The following MIPEP variants were observed in gnomAD, a reference collection of about 807,000 sequenced individuals.
The protein encoded by MIPEP is mitochondrial intermediate peptidase.
A neutral mutation model predicts 90.3 loss-of-function variants in MIPEP; 79 were observed. The ratio of observed to expected loss-of-function variants is 0.87; its 90% confidence interval spans 0.73 to 1.05. MIPEP has a LOEUF of 1.05. Ranked by LOEUF, MIPEP falls within the 50% of genes least tolerant of loss-of-function variation. The pLI is 0.00. For synonymous variants in MIPEP, 334 were observed against 315.8 expected (o/e 1.06, Z -0.61); for missense variants, 940 against 905.6 (o/e 1.04, Z -0.49).
At chr13:23,753,359 G>A (rs1330101458) in intron 18 of MIPEP, among the ~76,000 whole-genome samples, 1 of 152,174 alleles carries the variant, frequency 6.6e-6, no homozygotes, top group East Asian at 1.9e-4. Context: ...CAGAGTCACT[G>A]ACTGCAAATC....
intron 14 of MIPEP, among the ~76,000 whole-genome samples, chr13:23,830,671 T>C (rs1047481704): frequency 5.9e-5 from 9 of 152,232 alleles, no homozygotes; most frequent in Non-Finnish European, 1.5e-5. Context: ...CCTAGTAATA[T>C]TGTTTTTTCC....
chr13:23,870,002 A>C lies in MIPEP; in HGVS notation c.786+11T>G. The C allele has an allele frequency of 6.4e-7, 1 of 1,562,988 alleles. No individual in the cohort carries two copies. Among genetic ancestry groups the C allele is most frequent in the Non-Finnish European group, 8.7e-7 (1 of 1,151,906 alleles). On this transcript the variant is annotated intron_variant, in intron 6 of 18. Transcript: ENST00000382172. ...GGGACCTAAACAACAAAGAGAATGA[A>C]ACATACATACCAAGTCATCTGGTGA...
chr13:23,748,233 A>C (rs1952404481), intron 18 of MIPEP, among the ~76,000 whole-genome samples: 1 of 152,186 alleles, frequency 6.6e-6, no homozygotes. Flanking sequence ...CAGCACAGGA[A>C]ACAATTGCTC....
intron 16 of MIPEP, among the ~76,000 whole-genome samples, chr13:23,772,669 G>A (rs762813283): frequency 9.2e-5 from 14 of 152,146 alleles, no homozygotes; most frequent in Non-Finnish European, 1.9e-4. Flanking sequence ...GAAGGCTGAG[G>A]TGAGCTGATG....
At chr13:23,806,716 A>ATATC (rs10675933) in intron 15 of MIPEP, among the ~76,000 whole-genome samples, 39,225 of 147,028 alleles carry the variant, frequency 0.27, 5,159 homozygotes, top group South Asian at 0.31. Flanking sequence ...AAAAAAATCT[A>ATATC]TATCTATCTA....
At chr13:23,742,886 A>G (rs77797724) in intron 18 of MIPEP, among the ~76,000 whole-genome samples, 31,439 of 152,190 alleles carry the variant, frequency 0.21, 4,273 homozygotes, top group Middle Eastern at 0.32. Context: ...ATGGCTCCAC[A>G]GCATTGTAAG....
intron 2 of MIPEP, among the ~76,000 whole-genome samples, chr13:23,884,978 A>G (rs1042483025): frequency 3.3e-5 from 5 of 152,244 alleles, no homozygotes; most frequent in African/African-American, 1.2e-4. Flanking sequence ...GGAAATGAGT[A>G]TATCGAAGAG....
At chr13:23,858,611 A>G (rs1870145344) in intron 10 of MIPEP, among the ~76,000 whole-genome samples, 1 of 152,086 alleles carries the variant, frequency 6.6e-6, no homozygotes, top group African/African-American at 2.4e-5. Flanking sequence ...AGCAATGCTC[A>G]CAGCCTAGGA....
chr13:23,731,029 A>T (rs1320907038), intron 18 of MIPEP, among the ~76,000 whole-genome samples: 2 of 152,246 alleles, frequency 1.3e-5, no homozygotes, highest in African/African-American at 4.8e-5. Context: ...GGATCAAACA[A>T]GAAGATGTAG....
rs774633942 is a variant in MIPEP at position 23,837,572 on chromosome 13, G to A, written c.1523C>T (p.Thr508Ile). ...GHAMHSMLGRTRYQHVTGTRC... is the reference protein window; with the variant it reads ...GHAMHSMLGRIRYQHVTGTRC... Reference sequence around the variant, plus strand: ...CTCACCAGTGACGTGTTGGTAACGAGTACGTCCTAGCATTGAATGCATGGC... The same window carrying A: ...CTCACCAGTGACGTGTTGGTAACGAATACGTCCTAGCATTGAATGCATGGC... The change falls in exon 13 of 19, where the codon ACT (threonine) becomes ATT (isoleucine). Residue 508 changes from threonine (T) to isoleucine (I), a missense_variant. Thr to Ile is a moderately conservative substitution (Grantham distance 89, BLOSUM62 -1). Transcript: ENST00000382172. 7.4e-6 allele frequency: 12 copies of A among 1,612,852 alleles called. No individual in the cohort carries two copies.
chr13:23,818,630 G>T (rs931677661), intron 14 of MIPEP, among the ~76,000 whole-genome samples: 1 of 152,128 alleles, frequency 6.6e-6, no homozygotes, highest in Non-Finnish European at 1.5e-5. Context: ...TACAGAAATA[G>T]CTGGGTTGGT....
At chr13:23,885,141 T>C (rs1402961091) in intron 2 of MIPEP, among the ~76,000 whole-genome samples, 1 of 152,234 alleles carries the variant, frequency 6.6e-6, no homozygotes, top group Non-Finnish European at 1.5e-5. Context: ...TGAGATTATG[T>C]CATTTTCAAC....
intron 16 of MIPEP, among the ~76,000 whole-genome samples, chr13:23,761,551 T>C (rs1220756227): frequency 6.6e-6 from 1 of 152,228 alleles, no homozygotes; most frequent in Non-Finnish European, 1.5e-5. Context: ...ACAGTTCCAC[T>C]GGAAACTTCT....
intron 17 of MIPEP, among the ~76,000 whole-genome samples, chr13:23,759,486 G>A (rs575100313): frequency 2.1e-5 from 3 of 144,208 alleles, no homozygotes; most frequent in South Asian, 2.3e-4. Flanking sequence ...AGCACGGGAC[G>A]GGATCCCCCA....
intron 14 of MIPEP, among the ~76,000 whole-genome samples, chr13:23,825,766 G>C (rs1868424213): frequency 6.6e-6 from 1 of 152,106 alleles, no homozygotes; most frequent in African/African-American, 2.4e-5. Context: ...CTGAGTCTAA[G>C]GTAGCCAGGG....
At chr13:23,739,839 CTG>C (rs1952306365) in intron 18 of MIPEP, among the ~76,000 whole-genome samples, 1 of 152,208 alleles carries the variant, frequency 6.6e-6, no homozygotes, top group African/African-American at 2.4e-5. Context: ...GTGCTAAACA[CTG>C]TGTACTGGAG....
chr13:23,768,979 G>A (rs1952621550), intron 16 of MIPEP, among the ~76,000 whole-genome samples: 1 of 152,152 alleles, frequency 6.6e-6, no homozygotes, highest in African/African-American at 2.4e-5. Context: ...ACATAGAAAG[G>A]TAACATGGAT....
Position 23,878,621 on chromosome 13 carries a change from T to C in MIPEP, c.539+647A>G, listed in dbSNP as rs141783215. The stretch of plus-strand genomic sequence containing the variant: ...TTATAAGCAGGTTAAGGACAAACCC[T>C]ACTCCACTCACAATTGCATTTGAGC... On this transcript the variant is annotated intron_variant, in intron 4 of 18. Coordinates refer to ENST00000382172, the MANE Select transcript of MIPEP (RefSeq NM_005932.4). 2.3e-3 allele frequency among the ~76,000 whole-genome samples: 349 copies of C among 152,342 alleles called. 3 individuals carry two copies. The highest frequency in any genetic ancestry group is 8.1e-3 in the African/African-American group (338 of 41,578).
intron 14 of MIPEP, among the ~76,000 whole-genome samples, chr13:23,818,187 C>T (rs1350656900): frequency 6.6e-6 from 1 of 151,764 alleles, no homozygotes; most frequent in East Asian, 1.9e-4. Flanking sequence ...AAGGCTGAGG[C>T]AAGCTGATCA....
Sources: allele counts gnomAD v4.1 joint callset (sites outside exome capture counted in the v4.1 genomes callset), GRCh38; gene constraint gnomAD v4.1.1; transcripts MANE v1.5; gene names NCBI Gene and HGNC (gene_info 2026-07-23, HGNC 2026-07-21).